MYO18B: variants seen among roughly 807,000 people sequenced by gnomAD.
The protein encoded by MYO18B is myosin XVIIIB.
In MYO18B, 204 loss-of-function variants were observed where a neutral mutation model predicts 273.0. That is an observed-to-expected ratio of 0.75 (90% CI 0.67 to 0.84). The LOEUF is 0.84. MYO18B is among the 40% of genes least tolerant of loss of function. The pLI, the probability that MYO18B is intolerant of heterozygous loss-of-function variation, is 0.00. For missense variants in MYO18B, 3,212 were observed against 3,287.6 expected (o/e 0.98, Z 0.56); for synonymous variants, 1,330 against 1,305.7 (o/e 1.02, Z -0.40).
intron 18 of MYO18B, among the ~76,000 whole-genome samples, chr22:25,844,456 C>T (rs1279052137): frequency 6.6e-6 from 1 of 152,144 alleles, no homozygotes; most frequent in African/African-American, 2.4e-5. Context: ...CTGAGACGAC[C>T]AGGGAGGTGC....
intron 11 of MYO18B, among the ~76,000 whole-genome samples, chr22:25,795,135 G>T (rs896904302): frequency 6.6e-6 from 1 of 152,112 alleles, no homozygotes; most frequent in African/African-American, 2.4e-5. Flanking sequence ...TGTGCTCTGG[G>T]TATACCACTC....
At chr22:25,813,044 TTC>T (rs1045762527) in intron 12 of MYO18B, among the ~76,000 whole-genome samples, 1 of 151,132 alleles carries the variant, frequency 6.6e-6, no homozygotes, top group African/African-American at 2.4e-5. Flanking sequence ...TCTCATCTCC[TTC>T]TCTCTTTTCT....
At chr22:25,888,954 T>G (rs1008979746) in intron 25 of MYO18B, among the ~76,000 whole-genome samples, 1 of 152,168 alleles carries the variant, frequency 6.6e-6, no homozygotes, top group Non-Finnish European at 1.5e-5. Flanking sequence ...TGAAAGATGT[T>G]TTGTTTTCTG....
intron 12 of MYO18B, among the ~76,000 whole-genome samples, chr22:25,822,699 C>T (rs182783745): frequency 3.3e-4 from 51 of 152,334 alleles, no homozygotes; most frequent in East Asian, 7.7e-4. Flanking sequence ...CCGGGAGTGC[C>T]GGCAGACTTG....
At chr22:25,838,164 T>C (rs1276625782) in intron 17 of MYO18B, among the ~76,000 whole-genome samples, 2 of 150,764 alleles carry the variant, frequency 1.3e-5, no homozygotes, top group Non-Finnish European at 1.5e-5. Flanking sequence ...CACACAAATA[T>C]ATATATAAAT....
At position 26,003,364 on chromosome 22, in the gene MYO18B, C is replaced by G. The variant is rs757420664; in HGVS notation, c.6332+55C>G. On this transcript the variant is annotated intron_variant, in intron 41 of 43. Coordinates refer to ENST00000335473, the MANE Select transcript of MYO18B (RefSeq NM_032608.7). ...CTCACAAGGGTGAGCCCCTGGCTCT[C>G]TCTGTCCAGTTTGCAGAGGGAACAT... 870 of 1,507,866 alleles carry G rather than the reference C, an allele frequency of 5.8e-4. 2 individuals are homozygous for G. Among genetic ancestry groups the G allele is most frequent in the Non-Finnish European group, 7.3e-4 (800 of 1,099,830 alleles). The allele number at this position is 1,507,866 out of a possible 1,614,324, so 93.4% of individuals were successfully genotyped here.
chr22:25,909,032 A>C (rs2092104453), intron 32 of MYO18B, among the ~76,000 whole-genome samples: 1 of 152,210 alleles, frequency 6.6e-6, no homozygotes, highest in African/African-American at 2.4e-5. Context: ...TACAGATCTA[A>C]CTTATATGTT....
At chr22:25,828,664 A>G (rs1601820407) in intron 14 of MYO18B, 112 bp from the exon 15 acceptor site, 1 of 1,012,772 alleles carries the variant, frequency 9.9e-7, no homozygotes, top group Non-Finnish European at 1.4e-6. Context: ...GAGGTCACAC[A>G]GCCTGTAAGA....
chr22:25,815,936 T>C (rs2088982588), intron 12 of MYO18B, among the ~76,000 whole-genome samples: 1 of 151,204 alleles, frequency 6.6e-6, no homozygotes, highest in African/African-American at 2.5e-5. Context: ...ATGATTCATG[T>C]TGGATTATGC....
Position 25,769,364 on chromosome 22 carries a change from A to G in MYO18B, c.1448A>G (p.Glu483Gly). 6.3e-7 allele frequency: 1 copy of G among 1,576,060 alleles called. No homozygotes were observed. The highest frequency in any genetic ancestry group is 8.6e-7 in the Non-Finnish European group (1 of 1,161,372). Reference protein sequence around the residue: ...KDAERPRIRKENQDGPAPQEE... With the variant: ...KDAERPRIRKGNQDGPAPQEE... ...GCAGAAAGGCCTCGGATACGGAAGG[A>G]GAACCAAGACGGGCCAGCCCCGCAG... Residue 483 changes from glutamate (E) to glycine (G), a missense_variant, in exon 4 of 44, where the codon GAG (glutamate) becomes GGG (glycine). Transcript: ENST00000335473.
At chr22:25,891,498 A>G in intron 27 of MYO18B, 86 bp downstream of exon 27, 2 of 877,874 alleles carry the variant, frequency 2.3e-6, no homozygotes, top group Non-Finnish European at 3.7e-6. Flanking sequence ...AGCACTTTTT[A>G]GGTGCTAGAT....
At position 25,901,929 on chromosome 22, in the gene MYO18B, C is replaced by T. The variant is rs546847536; in HGVS notation, c.4824-684C>T. Reference sequence around the variant, plus strand: ...CTGGGCTCAAGGGATCCTCCCACCTCAGCCTCCAGAGTAGCTGGGATTACA... The same window carrying T: ...CTGGGCTCAAGGGATCCTCCCACCTTAGCCTCCAGAGTAGCTGGGATTACA... On this transcript the variant is annotated intron_variant, in intron 29 of 43. Transcript: ENST00000335473. Among the ~76,000 whole-genome samples, 85 of 151,390 alleles carry T rather than the reference C, an allele frequency of 5.6e-4. No individual in the cohort carries two copies. The South Asian group carries it at 0.018, about 31-fold the overall frequency.
intron 7 of MYO18B, among the ~76,000 whole-genome samples, chr22:25,772,805 C>T (rs1257458412): frequency 6.6e-6 from 1 of 152,200 alleles, no homozygotes; most frequent in Non-Finnish European, 1.5e-5. Flanking sequence ...CTGTATGCAC[C>T]TTCTTGTATT....
chr22:26,003,422 C>T (rs1934157228), intron 41 of MYO18B, 113 bp downstream of exon 41: 7 of 904,264 alleles, frequency 7.7e-6, no homozygotes, highest in African/African-American at 3.3e-5. Flanking sequence ...CAGTGATGCC[C>T]ATGAGACTAA....
chr22:26,010,435 TCA>T (rs1934816875), intron 42 of MYO18B, among the ~76,000 whole-genome samples: 1 of 152,138 alleles, frequency 6.6e-6, no homozygotes, highest in Admixed American at 6.5e-5. Context: ...AAAACATACT[TCA>T]AGAAAGTAAA....
chr22:25,991,898 G>T lies in MYO18B; in HGVS notation c.6157-465G>T, dbSNP rs1217041557. On this transcript the variant is annotated intron_variant, in intron 39 of 43. Transcript: ENST00000335473. The stretch of plus-strand genomic sequence containing the variant: ...GCTGTGAGGACAGCAAGGTGGGGGT[G>T]TTTAGGGGACAGACTTGAAACTATC... 5.4e-5 allele frequency among the ~76,000 whole-genome samples: 7 copies of T among 129,296 alleles called. No homozygotes were observed. The East Asian group carries it at 1.4e-3, about 25-fold the overall frequency. 84.8% of individuals were successfully genotyped at this position (129,296 alleles called of 152,430 possible).
chr22:25,847,668 G>A lies in MYO18B; in HGVS notation c.3775+16G>A, dbSNP rs901331918. The A allele has an allele frequency of 2.0e-6, 3 of 1,535,926 alleles. No individual in the cohort carries two copies. Among genetic ancestry groups the A allele is most frequent in the African/African-American group, 1.4e-5 (1 of 72,792 alleles). ...CATAGGACAGGTAAGAGACAGCTAG[G>A]ACACAGCACCTTGTCTCTGACTCCT... On this transcript the variant is annotated intron_variant, in intron 20 of 43. Transcript: ENST00000335473.
intron 12 of MYO18B, among the ~76,000 whole-genome samples, chr22:25,807,328 G>C (rs957707897): frequency 2.0e-5 from 3 of 152,228 alleles, no homozygotes; most frequent in African/African-American, 7.2e-5. Context: ...TCTGGACTCA[G>C]ATTGAAGTAA....
At chr22:25,770,482 ACT>A (rs2086677761) in intron 5 of MYO18B, among the ~76,000 whole-genome samples, 1 of 152,084 alleles carries the variant, frequency 6.6e-6, no homozygotes, top group African/African-American at 2.4e-5. Flanking sequence ...TGATCACTGC[ACT>A]CTACTGAGAA....
Sources: allele counts gnomAD v4.1 joint callset (sites outside exome capture counted in the v4.1 genomes callset), GRCh38; gene constraint gnomAD v4.1.1; transcripts MANE v1.5; gene names NCBI Gene and HGNC (gene_info 2026-07-23, HGNC 2026-07-21).